TXNRD2: variants seen among roughly 807,000 people sequenced by gnomAD.
TXNRD2 encodes the protein thioredoxin reductase 2, also known as thioredoxin reductase 2, mitochondrial.
A neutral mutation model predicts 70.8 loss-of-function variants in TXNRD2; 67 were observed. That is an observed-to-expected ratio of 0.95 (90% CI 0.78 to 1.16). The LOEUF is 1.16. Ranked by LOEUF, TXNRD2 falls within the 50% of genes most tolerant of loss-of-function variation. The pLI, the probability that TXNRD2 is intolerant of heterozygous loss-of-function variation, is 0.00. For synonymous variants in TXNRD2, 301 were observed against 295.8 expected (o/e 1.02, Z -0.18); for missense variants, 644 against 719.9 (o/e 0.89, Z 1.21).
At chr22:19,884,797 C>A (rs1370620543) in intron 11 of TXNRD2, among the ~76,000 whole-genome samples, 2 of 152,150 alleles carry the variant, frequency 1.3e-5, no homozygotes, top group South Asian at 2.1e-4. Context: ...GAAAGCAAGC[C>A]CCCGTAACCC....
At chr22:19,941,384 C>T (rs1245859262) in intron 1 of TXNRD2, among the ~76,000 whole-genome samples, 1 of 152,138 alleles carries the variant, frequency 6.6e-6, no homozygotes, top group Admixed American at 6.5e-5. Context: ...GCCTGGTGAC[C>T]TCGGGAGGTG....
At chr22:19,924,981 GAAA>G (rs66630445) in intron 2 of TXNRD2, among the ~76,000 whole-genome samples, 8 of 134,288 alleles carry the variant, frequency 6.0e-5, no homozygotes, top group Non-Finnish European at 8.0e-5. Context: ...TTAAAGTACT[GAAA>G]AAAAAAAAAA....
chr22:19,914,836 G>A (rs954786854), intron 7 of TXNRD2: 1 of 281,358 alleles, frequency 3.6e-6, no homozygotes, highest in Non-Finnish European at 6.9e-6. Flanking sequence ...TTAAACTGGG[G>A]GACGTGAAGG....
intron 2 of TXNRD2, among the ~76,000 whole-genome samples, chr22:19,920,878 A>G (rs183856130): frequency 4.6e-5 from 7 of 152,326 alleles, no homozygotes; most frequent in South Asian, 2.1e-4. Flanking sequence ...CAAGGTGGGC[A>G]GATCACGAGG....
intron 14 of TXNRD2, among the ~76,000 whole-genome samples, chr22:19,879,423 G>A (rs1286287046): frequency 1.3e-5 from 2 of 152,152 alleles, no homozygotes; most frequent in Admixed American, 1.3e-4. Context: ...AGGCCACCCC[G>A]GAGCCACAGC....
rs1941442733 is a variant in TXNRD2, at chr22:19,933,581, T to C, written c.104-2483A>G. 2.5e-6 allele frequency: 3 copies of C among 1,179,482 alleles called. No homozygotes were observed. In the African/African-American group the frequency reaches 4.7e-5, roughly 19 times the overall value. The allele number at this position is 1,179,482 out of a possible 1,614,324, so 73.1% of individuals were successfully genotyped here. A position where few individuals can be genotyped will look rare whatever the true frequency, so the allele number is the denominator to read the frequency against. ...ATGGATGTGCTTATCTTGGGCAGCT[T>C]GCTCGCCCCCTGTGCACACCCAGGA... is the stretch of plus-strand genomic sequence containing the variant. On this transcript the variant is annotated intron_variant, in intron 1 of 17. Coordinates refer to ENST00000400521, the MANE Select transcript of TXNRD2 (RefSeq NM_006440.5).
intron 1 of TXNRD2, among the ~76,000 whole-genome samples, chr22:19,938,800 T>C (rs755182373): frequency 6.6e-6 from 1 of 152,142 alleles, no homozygotes; most frequent in African/African-American, 2.4e-5. Context: ...TCGGTCTCGG[T>C]CCAAAACGTG....
At chr22:19,877,550 C>T (rs1391114211) in intron 16 of TXNRD2, among the ~76,000 whole-genome samples, 2 of 152,192 alleles carry the variant, frequency 1.3e-5, no homozygotes, top group African/African-American at 2.4e-5. Context: ...TACCCACAGA[C>T]AGCGCATCCT....
At chr22:19,919,753 C>T (rs945080580) in intron 2 of TXNRD2, among the ~76,000 whole-genome samples, 154 bp from the exon 3 acceptor site, 10 of 152,172 alleles carry the variant, frequency 6.6e-5, no homozygotes, top group African/African-American at 2.4e-4. Flanking sequence ...ATGCTAGGGA[C>T]CCCTGATCTG....
intron 11 of TXNRD2, among the ~76,000 whole-genome samples, chr22:19,885,735 C>T (rs1938999479): frequency 6.6e-6 from 1 of 152,238 alleles, no homozygotes; most frequent in Non-Finnish European, 1.5e-5. Context: ...ACATCTGACG[C>T]TGCACCCACA....
At chr22:19,876,954 G>A (rs1938534083) in intron 17 of TXNRD2, 86 bp downstream of exon 17, 2 of 958,528 alleles carry the variant, frequency 2.1e-6, no homozygotes, top group Non-Finnish European at 2.9e-6. Flanking sequence ...TAGCCTTGCT[G>A]TACACCTGGA....
rs186493547 is a variant in TXNRD2 at position 19,899,330 on chromosome 22, G to A, written c.663-262C>T. Among the ~76,000 whole-genome samples, 12 of 152,318 alleles carry A rather than the reference G, an allele frequency of 7.9e-5. No individual in the cohort carries two copies. The East Asian group carries it at 1.7e-3, about 22-fold the overall frequency. ...GGTACCTGTCCCCTGGAAGGCACCCGGAGGCATGGAGAAACATCCACCAGA... is the reference window on the plus strand; with the variant it reads ...GGTACCTGTCCCCTGGAAGGCACCCAGAGGCATGGAGAAACATCCACCAGA... On this transcript the variant is annotated intron_variant, in intron 8 of 17. Coordinates refer to ENST00000400521, the MANE Select transcript of TXNRD2 (RefSeq NM_006440.5).
intron 2 of TXNRD2, among the ~76,000 whole-genome samples, chr22:19,924,258 C>A (rs569383105): frequency 2.6e-5 from 4 of 152,070 alleles, no homozygotes; most frequent in African/African-American, 9.7e-5. Context: ...AGGCCACAAC[C>A]GGCCTTTTAA....
At chr22:19,918,696 GA>G (rs937894595) in intron 4 of TXNRD2, among the ~76,000 whole-genome samples, 163 bp downstream of exon 4, 4 of 152,216 alleles carry the variant, frequency 2.6e-5, no homozygotes, top group Non-Finnish European at 5.9e-5. Context: ...ACTGTCTCCA[GA>G]CATTCCCAAA....
intron 11 of TXNRD2, among the ~76,000 whole-genome samples, chr22:19,890,395 C>T (rs1220342524): frequency 2.0e-5 from 3 of 152,310 alleles, no homozygotes; most frequent in African/African-American, 4.8e-5. Flanking sequence ...GAGGGGCCTC[C>T]GATCCGTGTC....
intron 8 of TXNRD2, among the ~76,000 whole-genome samples, chr22:19,900,153 G>C (rs963096536): frequency 1.1e-4 from 17 of 152,226 alleles, no homozygotes; most frequent in African/African-American, 3.6e-4. Context: ...ATTAGGGTGA[G>C]CAGACAGAGC....
intron 1 of TXNRD2, among the ~76,000 whole-genome samples, chr22:19,931,943 A>G (rs72554693): frequency 0.011 from 1,627 of 151,962 alleles, 28 homozygotes; most frequent in African/African-American, 0.036. Context: ...GGTGGATCAC[A>G]AGGTTAGGAG....
intron 2 of TXNRD2, among the ~76,000 whole-genome samples, chr22:19,923,991 G>A (rs1218858201): frequency 6.6e-6 from 1 of 151,520 alleles, no homozygotes; most frequent in Non-Finnish European, 1.5e-5. Context: ...TTTAAAAAAA[G>A]GCTTTTTTTT....
intron 2 of TXNRD2, among the ~76,000 whole-genome samples, chr22:19,922,492 C>T (rs1940954088): frequency 1.3e-5 from 2 of 152,172 alleles, no homozygotes; most frequent in South Asian, 2.1e-4. Flanking sequence ...TAAAAACAAA[C>T]CTTTCTCACA....
Sources: gnomAD v4.1 joint callset for allele counts (sites outside exome capture counted in the v4.1 genomes callset) on GRCh38, gnomAD v4.1.1 for gene constraint, MANE v1.5 for transcripts, NCBI Gene and HGNC (gene_info 2026-07-23, HGNC 2026-07-21) for gene names.